SLC25A24: variants seen among roughly 807,000 people sequenced by gnomAD.
SLC25A24 encodes the protein solute carrier family 25 member 24.
In SLC25A24, 49 loss-of-function variants were observed where a neutral mutation model predicts 60.7. The ratio of observed to expected loss-of-function variants is 0.81; its 90% CI spans 0.64 to 1.02. The LOEUF (loss-of-function observed/expected upper bound fraction) is 1.02. Among genes scored for constraint, SLC25A24 ranks in the 50% least tolerant of loss-of-function variants. The probability of loss-of-function intolerance (pLI) is 0.00; values close to 1 mark genes in which losing one functional copy is unlikely to be tolerated. For synonymous variants in SLC25A24, 202 were observed against 200.6 expected (o/e 1.01, Z -0.06); for missense variants, 564 against 586.3 (o/e 0.96, Z 0.39).
intron 3 of SLC25A24, among the ~76,000 whole-genome samples, chr1:108,177,478 A>G (rs1009710501): frequency 2.0e-5 from 3 of 152,230 alleles, no homozygotes; most frequent in Non-Finnish European, 4.4e-5. Flanking sequence ...GTCTGAGTGG[A>G]TTAAAAAAAC....
At chr1:108,146,417 T>C (rs1408425380) in intron 7 of SLC25A24, among the ~76,000 whole-genome samples, 1 of 152,226 alleles carries the variant, frequency 6.6e-6, no homozygotes, top group Non-Finnish European at 1.5e-5. Flanking sequence ...TTCTTTCTCC[T>C]GCCTGATTGC....
rs549020306 is a variant in SLC25A24 at position 108,134,770 on chromosome 1, A to C, written c.*1883T>G. ...TATAATTTTTTTTTTTCAATTAGGA[A>C]ACTGAGACTTAAGAATTTTCTCTAA... On this transcript the variant is annotated 3_prime_UTR_variant, in exon 10 of 10. Coordinates refer to ENST00000565488, the MANE Select transcript of SLC25A24 (RefSeq NM_013386.5). The C allele has an allele frequency of 3.3e-5, 5 of 152,204 alleles. No homozygotes were observed. Among genetic ancestry groups the C allele is most frequent in the African/African-American group, 9.6e-5 (4 of 41,544 alleles). 9.4% of individuals were successfully genotyped at this position (152,204 alleles called of 1,614,324 possible).
Position 108,139,103 on chromosome 1 carries a change from C to A in SLC25A24, c.1204G>T (p.Ala402Ser). The A allele has an allele frequency of 6.2e-7, 1 of 1,608,532 alleles. No individual in the cohort carries two copies. The highest frequency in any genetic ancestry group is 8.5e-7 in the Non-Finnish European group (1 of 1,177,446). Residue 402 changes from alanine (A) to serine (S), a missense_variant, in exon 9 of 10, where the codon GCC becomes TCC. Transcript: ENST00000565488. ...CTCACCAAAGCCAATGGGTAGCTGG[C>A]CAGCTGACCACAGGTGCTGGATAAG... The part of the protein sequence containing the change: ...GALSSTCGQL[A>S]SYPLALVRTR...
intron 3 of SLC25A24, among the ~76,000 whole-genome samples, chr1:108,162,377 C>A (rs1476377933): frequency 6.7e-6 from 1 of 150,316 alleles, no homozygotes; most frequent in Non-Finnish European, 1.5e-5. Context: ...ACACTGACTT[C>A]CACAAGGGTT....
In SLC25A24 at chr1:108,160,714, G is replaced by A. The variant is rs534910518; in HGVS notation, c.510+468C>T. Among the ~76,000 whole-genome samples, 406 of 152,360 alleles carry A rather than the reference G, an allele frequency of 2.7e-3. 2 individuals are homozygous for A. Among genetic ancestry groups the A allele is most frequent in the African/African-American group, 9.3e-3 (386 of 41,596 alleles). ...TGCAATCCCAGCACCTCGGGAGGCC[G>A]AGGCTGGTGGATCACTCGCGGTCAG... is the stretch of plus-strand genomic sequence containing the variant. On this transcript the variant is annotated intron_variant, in intron 4 of 9. Transcript: ENST00000565488.
chr1:108,163,092 A>T (rs1239841931), intron 3 of SLC25A24, among the ~76,000 whole-genome samples: 1 of 131,416 alleles, frequency 7.6e-6, no homozygotes, highest in African/African-American at 3.1e-5. Flanking sequence ...TTTGTCAAAG[A>T]TCAGATAGTT....
At chr1:108,154,756 A>G (rs557580382) in intron 6 of SLC25A24, among the ~76,000 whole-genome samples, 2 of 152,326 alleles carry the variant, frequency 1.3e-5, no homozygotes, top group South Asian at 2.1e-4. Context: ...ACTTAGAAAA[A>G]AAAAACTTTA....
intron 3 of SLC25A24, among the ~76,000 whole-genome samples, chr1:108,167,788 G>C (rs190194695): frequency 6.6e-6 from 1 of 152,306 alleles, no homozygotes; most frequent in Non-Finnish European, 1.5e-5. Flanking sequence ...GACCAGAGCT[G>C]TTCCTATTCA....
At position 108,200,252 on chromosome 1, in the gene SLC25A24, T is replaced by A. The variant is rs888195329; in HGVS notation, c.-114A>T. 8 of 1,052,964 alleles carry A rather than the reference T, an allele frequency of 7.6e-6. No individual in the cohort carries two copies. The highest frequency in any genetic ancestry group is 1.0e-5 in the Non-Finnish European group (8 of 802,850). 65.2% of individuals were successfully genotyped at this position (1,052,964 alleles called of 1,614,324 possible). A position where few individuals can be genotyped will look rare whatever the true frequency, so the allele number is the denominator to read the frequency against. ...GGGCGGGGCGCGCGGCGCAACAGCGTTTGGGGCGCCGTCGGGGTTGCGGCT... is the reference window on the plus strand; with the variant it reads ...GGGCGGGGCGCGCGGCGCAACAGCGATTGGGGCGCCGTCGGGGTTGCGGCT... On this transcript the variant is annotated 5_prime_UTR_variant, in exon 1 of 10. Coordinates refer to ENST00000565488, the MANE Select transcript of SLC25A24 (RefSeq NM_013386.5).
intron 3 of SLC25A24, among the ~76,000 whole-genome samples, chr1:108,167,500 AT>A (rs1647232032): frequency 1.3e-5 from 2 of 152,040 alleles, no homozygotes; most frequent in South Asian, 4.2e-4. Context: ...CTGGTGCGCC[AT>A]TTTTTAAGCC....
chr1:108,153,714 T>G (rs1049992381), intron 6 of SLC25A24, among the ~76,000 whole-genome samples: 1 of 152,146 alleles, frequency 6.6e-6, no homozygotes, highest in African/African-American at 2.4e-5. Context: ...CACAATACTA[T>G]AAAGAGGTCT....
At chr1:108,189,863 A>AT (rs1450829292) in intron 1 of SLC25A24, among the ~76,000 whole-genome samples, 7 of 132,390 alleles carry the variant, frequency 5.3e-5, no homozygotes, top group African/African-American at 1.6e-4. Context: ...GTAAAAAAAA[A>AT]TTAAAAAATA....
intron 6 of SLC25A24, among the ~76,000 whole-genome samples, chr1:108,150,788 C>CA (rs142267216): frequency 0.025 from 3,741 of 152,162 alleles, 163 homozygotes; most frequent in African/African-American, 0.086. Flanking sequence ...CCTTTCCCTA[C>CA]ACACAAACTC....
chr1:108,140,846 C>T (rs940579040), intron 8 of SLC25A24, among the ~76,000 whole-genome samples: 7 of 148,676 alleles, frequency 4.7e-5, no homozygotes, highest in Admixed American at 2.0e-4. Context: ...CAACAAAACA[C>T]AGAAGAAGCC....
Position 108,200,058 on chromosome 1 carries a change from G to C in SLC25A24, c.81C>G (p.Leu27=). ...DAEQPTRYET[L]FQALDRNGDG... ...CCCCATTGCGGTCCAGTGCCTGGAA[G>C]AGGGTCTCGTAGCGCGTCGGCTGCT... Residue 27 remains leucine (L), a synonymous_variant, in exon 1 of 10, where the codon CTC becomes CTG. Transcript: ENST00000565488. The C allele has an allele frequency of 4.4e-6, 7 of 1,603,416 alleles. No individual in the cohort carries two copies. Among genetic ancestry groups the C allele is most frequent in the Non-Finnish European group, 6.0e-6 (7 of 1,175,580 alleles).
At chr1:108,138,366 C>A (rs1287094778) in intron 9 of SLC25A24, among the ~76,000 whole-genome samples, 3 of 152,078 alleles carry the variant, frequency 2.0e-5, no homozygotes, top group African/African-American at 7.2e-5. Context: ...CCAAGGTGTA[C>A]TACTTAAGAA....
chr1:108,159,585 T>C (rs1389154939), intron 4 of SLC25A24, among the ~76,000 whole-genome samples: 3 of 151,202 alleles, frequency 2.0e-5, no homozygotes, highest in African/African-American at 7.3e-5. Flanking sequence ...CAAAGGTCTC[T>C]GGTTTTCCTA....
chr1:108,148,866 G>A (rs1009237641), intron 6 of SLC25A24, among the ~76,000 whole-genome samples: 13 of 152,268 alleles, frequency 8.5e-5, no homozygotes, highest in East Asian at 1.9e-4. Flanking sequence ...GATGTGTCTC[G>A]AAATGTATAC....
rs549539077 is a variant in SLC25A24, at chr1:108,169,170, C to T, written c.399-7877G>A. ...CTCTCTATTATGTTTCACTTGTTAA[C>T]TTGTCTGTTTCTGTAGAAACAGCAC... On this transcript the variant is annotated intron_variant, in intron 3 of 9. Coordinates refer to ENST00000565488, the MANE Select transcript of SLC25A24 (RefSeq NM_013386.5). Among the ~76,000 whole-genome samples, 4 of 152,302 alleles carry T rather than the reference C, an allele frequency of 2.6e-5. No individual in the cohort carries two copies. In the South Asian group the frequency reaches 8.3e-4, roughly 32 times the overall value.
Sources: gnomAD v4.1 joint callset for allele counts (sites outside exome capture counted in the v4.1 genomes callset) on GRCh38, gnomAD v4.1.1 for gene constraint, MANE v1.5 for transcripts, NCBI Gene and HGNC (gene_info 2026-07-23, HGNC 2026-07-21) for gene names.